Variants in TMEM273 observed in about 807,000 individuals in gnomAD.
TMEM273 encodes the protein transmembrane protein 273, also known as chromosome 10 open reading frame 128.
In TMEM273, 19 loss-of-function variants were observed where a neutral mutation model predicts 17.9. The ratio of observed to expected loss-of-function variants is 1.06; its 90% CI spans 0.74 to 1.55. The LOEUF is 1.55. TMEM273 is among the 40% of genes most tolerant of loss of function. The pLI is 0.00. For missense variants in TMEM273, 194 were observed against 155.6 expected (o/e 1.25, Z -1.31); for synonymous variants, 66 against 62.0 (o/e 1.07, Z -0.31).
chr10:49,158,664 G>A (rs763884652), intron 6 of TMEM273, among the ~76,000 whole-genome samples: 24 of 152,192 alleles, frequency 1.6e-4, no homozygotes, highest in African/African-American at 5.8e-4. Context: ...AAATACCAAT[G>A]GAGAATAAAG....
chr10:49,167,119 T>A, intron 2 of TMEM273, 110 bp from the exon 3 acceptor site: 4 of 1,446,630 alleles, frequency 2.8e-6, no homozygotes, highest in Non-Finnish European at 3.7e-6. Context: ...CACCTCCCAC[T>A]GGCTGAGGCC....
chr10:49,163,475 G>A (rs1329086409), intron 5 of TMEM273, among the ~76,000 whole-genome samples: 3 of 152,162 alleles, frequency 2.0e-5, no homozygotes, highest in Non-Finnish European at 4.4e-5. Context: ...GGCCACCGGG[G>A]CCTGGACACT....
chr10:49,178,664 C>T (rs936556255), intron 1 of TMEM273, among the ~76,000 whole-genome samples: 17 of 152,152 alleles, frequency 1.1e-4, no homozygotes, highest in South Asian at 1.0e-3. Context: ...CAGAGATGTA[C>T]GCAATTAGCA....
intron 6 of TMEM273, chr10:49,156,165 A>T: frequency 1.3e-6 from 2 of 1,515,474 alleles, no homozygotes; most frequent in Non-Finnish European, 1.8e-6. Context: ...CACTTTGATG[A>T]CAAAAAGAGA....
intron 1 of TMEM273, among the ~76,000 whole-genome samples, chr10:49,186,097 A>AAGAAGAAGAAAAAGAAGAAGAAGAAGG (rs1847690215): frequency 8.5e-6 from 1 of 117,054 alleles, no homozygotes; most frequent in Non-Finnish European, 1.9e-5. Flanking sequence ...GAAGAAGAAG[A>AAGAAGAAGAAAAAGAAGAAGAAGAAGG]AGAAGAAGAA....
intron 1 of TMEM273, among the ~76,000 whole-genome samples, chr10:49,173,066 G>C (rs771672286): frequency 6.6e-6 from 1 of 152,224 alleles, no homozygotes; most frequent in Non-Finnish European, 1.5e-5. Flanking sequence ...AGAGCTGAGA[G>C]CTATGGGGCC....
At position 49,155,002 on chromosome 10, in the gene TMEM273, G is replaced by A. The variant is rs1214286817; in HGVS notation, c.*890C>T. The A allele has an allele frequency of 1.3e-5, 2 of 152,200 alleles. No homozygotes were observed. Among genetic ancestry groups the A allele is most frequent in the African/African-American group, 2.4e-5 (1 of 41,436 alleles). The allele number at this position is 152,200 out of a possible 1,614,324, so 9.4% of individuals were successfully genotyped here. ...AAAGGCAAAGAATATTCCGTGATGT[G>A]ATCCCAGAAATACAGGGTTAATATT... On this transcript the variant is annotated 3_prime_UTR_variant, in exon 7 of 7. Transcript: ENST00000374153.
chr10:49,187,959 T>C (rs1847827858), intron 1 of TMEM273, among the ~76,000 whole-genome samples: 1 of 152,214 alleles, frequency 6.6e-6, no homozygotes. Flanking sequence ...TTATCTCCCA[T>C]CTCATTGGTT....
chr10:49,167,351 G>A (rs1846261175), intron 2 of TMEM273, among the ~76,000 whole-genome samples: 1 of 152,228 alleles, frequency 6.6e-6, no homozygotes, highest in Non-Finnish European at 1.5e-5. Context: ...TCTATTGGGT[G>A]TGTGTTAATT....
At chr10:49,168,349 C>T (rs72786903) in intron 1 of TMEM273, among the ~76,000 whole-genome samples, 24,198 of 152,096 alleles carry the variant, frequency 0.16, 2,231 homozygotes, top group Non-Finnish European at 0.22. Context: ...CTGCCTGACC[C>T]CATCTTCTTC....
chr10:49,166,716 G>A (rs771732220), intron 3 of TMEM273, 153 bp downstream of exon 3: 2 of 1,113,168 alleles, frequency 1.8e-6, no homozygotes, highest in Non-Finnish European at 2.7e-6. Flanking sequence ...GGGTTAGTGA[G>A]AGAGACAGAA....
intron 1 of TMEM273, among the ~76,000 whole-genome samples, chr10:49,187,980 G>C (rs1847829494): frequency 6.6e-6 from 1 of 152,156 alleles, no homozygotes. Context: ...CAGAAAGTTA[G>C]GGAGTTTCAG....
intron 1 of TMEM273, among the ~76,000 whole-genome samples, chr10:49,179,142 GA>G (rs1474767171): frequency 6.6e-6 from 1 of 152,228 alleles, no homozygotes; most frequent in African/African-American, 2.4e-5. Context: ...TTATTTCATG[GA>G]ATCAAATTTA....
chr10:49,165,898 G>C, intron 3 of TMEM273, 102 bp from the exon 4 acceptor site: 2 of 1,501,232 alleles, frequency 1.3e-6, no homozygotes, highest in Non-Finnish European at 1.8e-6. Flanking sequence ...TCTCACTCAC[G>C]GTTGCCCTCG....
intron 5 of TMEM273, among the ~76,000 whole-genome samples, chr10:49,163,024 C>A (rs1186146394): frequency 2.6e-5 from 4 of 152,178 alleles, no homozygotes; most frequent in African/African-American, 9.7e-5. Flanking sequence ...GACTGGGACA[C>A]CCTCCTGGCC....
At chr10:49,172,112 C>T (rs1241795487) in intron 1 of TMEM273, among the ~76,000 whole-genome samples, 1 of 152,226 alleles carries the variant, frequency 6.6e-6, no homozygotes, top group East Asian at 1.9e-4. Flanking sequence ...TGGCTCCTAA[C>T]TTTAGAGCTC....
intron 1 of TMEM273, among the ~76,000 whole-genome samples, chr10:49,186,068 G>GGAAGAAGAAGAAGAGGAAGAAGAA (rs1847669102): frequency 3.0e-4 from 20 of 67,182 alleles, no homozygotes; most frequent in African/African-American, 9.6e-4. Context: ...AAGAAGAAGA[G>GGAAGAAGAAGAAGAGGAAGAAGAA]GAAGAAGAAG....
chr10:49,176,707 G>A (rs979805760), intron 1 of TMEM273, among the ~76,000 whole-genome samples: 1 of 152,152 alleles, frequency 6.6e-6, no homozygotes, highest in African/African-American at 2.4e-5. Flanking sequence ...AGCTGTCCTG[G>A]ACCATGGGAA....
At chr10:49,184,161 T>C (rs866557421) in intron 1 of TMEM273, among the ~76,000 whole-genome samples, 10 of 152,182 alleles carry the variant, frequency 6.6e-5, no homozygotes, top group African/African-American at 1.9e-4. Context: ...TAAAATTAGA[T>C]CCTTTCTTTA....
Sources: gnomAD v4.1 joint callset for allele counts (sites outside exome capture counted in the v4.1 genomes callset) on GRCh38, gnomAD v4.1.1 for gene constraint, MANE v1.5 for transcripts, NCBI Gene and HGNC (gene_info 2026-07-23, HGNC 2026-07-21) for gene names.